Variants in ERICH6B observed in about 807,000 individuals in gnomAD.
The protein encoded by ERICH6B is glutamate-rich protein 6B.
ERICH6B carries 69 observed loss-of-function variants against 80.0 expected under a neutral mutation model. The observed-to-expected ratio is 0.86, with a 90% CI of 0.71 to 1.05. The LOEUF (loss-of-function observed/expected upper bound fraction) is 1.05. ERICH6B is among the 50% of genes least tolerant of loss of function. The probability of loss-of-function intolerance (pLI) is 0.00; values close to 1 mark genes in which losing one functional copy is unlikely to be tolerated. For missense variants in ERICH6B, 754 were observed against 796.1 expected (o/e 0.95, Z 0.64); for synonymous variants, 283 against 291.9 (o/e 0.97, Z 0.31).
At position 45,600,519 on chromosome 13, in the gene ERICH6B, T is replaced by A. The variant is rs76301705; in HGVS notation, c.-58-3456A>T. Reference sequence around the variant, plus strand: ...GTAATAATAATTTCTCACCATCCACTCCTCTTCTGCTCCCTTACTCTTTTG... The same window carrying A: ...GTAATAATAATTTCTCACCATCCACACCTCTTCTGCTCCCTTACTCTTTTG... On this transcript the variant is annotated intron_variant, in intron 2 of 14. Coordinates refer to ENST00000298738, the MANE Select transcript of ERICH6B (RefSeq NM_182542.3). Among the ~76,000 whole-genome samples, 467 of 152,312 alleles carry A rather than the reference T, an allele frequency of 3.1e-3. 2 individuals carry two copies. Among genetic ancestry groups the A allele is most frequent in the African/African-American group, 0.01 (432 of 41,568 alleles).
intron 1 of ERICH6B, among the ~76,000 whole-genome samples, chr13:45,612,399 T>G (rs1949904852): frequency 6.6e-6 from 1 of 152,144 alleles, no homozygotes; most frequent in Admixed American, 6.5e-5. Flanking sequence ...AAATACAACA[T>G]AGTATGATTA....
intron 3 of ERICH6B, among the ~76,000 whole-genome samples, chr13:45,595,499 A>ATG (rs994987196): frequency 1.3e-5 from 2 of 151,960 alleles, no homozygotes; most frequent in African/African-American, 4.8e-5. Flanking sequence ...GTGTGTGTGT[A>ATG]TGTGTATATA....
Position 45,541,544 on chromosome 13 carries a change from A to C in ERICH6B, c.2009T>G (p.Leu670Arg). Residue 670 changes from leucine to arginine, a missense_variant, in exon 15 of 15, where the codon CTG (leucine) becomes CGG (arginine). Transcript: ENST00000298738. The part of the protein sequence containing the change: ...RLLNYATTPD[L>R]ENFIEAVSIS... ...ACTGACGGCCTCTATGAAGTTTTCC[A>C]GATCAGGGGTGGTCGCGTAATTCAG... 6.4e-7 allele frequency: 1 copy of C among 1,552,100 alleles called. No homozygotes were observed. The highest frequency in any genetic ancestry group is 8.7e-7 in the Non-Finnish European group (1 of 1,147,066).
intron 14 of ERICH6B, among the ~76,000 whole-genome samples, chr13:45,544,275 G>A (rs1335718367): frequency 1.3e-5 from 2 of 152,164 alleles, no homozygotes; most frequent in African/African-American, 2.4e-5. Flanking sequence ...GGGTTTGACT[G>A]TGTTGGCCAG....
chr13:45,583,673 G>C (rs1285081214), intron 5 of ERICH6B, among the ~76,000 whole-genome samples: 1 of 152,118 alleles, frequency 6.6e-6, no homozygotes, highest in African/African-American at 2.4e-5. Flanking sequence ...CCCCCATACT[G>C]TTCTTGTAGT....
chr13:45,599,418 G>C (rs191870385), intron 2 of ERICH6B, among the ~76,000 whole-genome samples: 1 of 152,224 alleles, frequency 6.6e-6, no homozygotes, highest in African/African-American at 2.4e-5. Flanking sequence ...TAATTGAATT[G>C]GTTTTTATTC....
rs1247875561 is a variant in ERICH6B at position 45,550,419 on chromosome 13, C to T, written c.1408-103G>A. ...GACCCCATCTGCTTGCTCTCCGATG[C>T]CACGTGCTACCTCATCAACTTGCTG... On this transcript the variant is annotated intron_variant, in intron 11 of 14. Transcript: ENST00000298738. 14 of 848,428 alleles carry T rather than the reference C, an allele frequency of 1.7e-5. No individual in the cohort carries two copies. In the Admixed American group the frequency reaches 2.9e-4, roughly 17 times the overall value. The allele number at this position is 848,428 out of a possible 1,614,324, so 52.6% of individuals were successfully genotyped here. A position where few individuals can be genotyped will look rare whatever the true frequency, so the allele number is the denominator to read the frequency against.
At chr13:45,561,335 A>G (rs962479987) in intron 11 of ERICH6B, 34 bp downstream of exon 11, 2 of 1,539,304 alleles carry the variant, frequency 1.3e-6, no homozygotes, top group African/African-American at 1.4e-5. Context: ...AATCCTGTGC[A>G]AAGTAAAAAA....
chr13:45,602,148 G>T (rs1949831069), intron 2 of ERICH6B, among the ~76,000 whole-genome samples: 1 of 152,198 alleles, frequency 6.6e-6, no homozygotes, highest in African/African-American at 2.4e-5. Flanking sequence ...GGGTCCGTCT[G>T]TCCTTCATTC....
intron 9 of ERICH6B, among the ~76,000 whole-genome samples, chr13:45,565,422 G>C (rs1874871625): frequency 6.6e-6 from 1 of 152,162 alleles, no homozygotes. Flanking sequence ...GGAAAGAGCA[G>C]GCTTCCATTC....
chr13:45,548,241 T>C (rs1874065431), intron 13 of ERICH6B, among the ~76,000 whole-genome samples: 1 of 152,182 alleles, frequency 6.6e-6, no homozygotes, highest in Non-Finnish European at 1.5e-5. Flanking sequence ...GCTCTTGAAA[T>C]GGCTTGGCTA....
intron 10 of ERICH6B, among the ~76,000 whole-genome samples, chr13:45,562,419 A>G (rs533613418): frequency 5.2e-4 from 79 of 152,314 alleles, no homozygotes; most frequent in Non-Finnish European, 9.7e-4. Flanking sequence ...GTCCATTTTT[A>G]TGACAATTGA....
intron 7 of ERICH6B, among the ~76,000 whole-genome samples, chr13:45,576,458 T>TA (rs372443322): frequency 6.6e-5 from 10 of 152,006 alleles, no homozygotes; most frequent in East Asian, 1.9e-4. Context: ...AGGGACATTT[T>TA]AAAAAAAACA....
intron 13 of ERICH6B, among the ~76,000 whole-genome samples, chr13:45,549,035 G>A (rs1331871244): frequency 1.3e-5 from 2 of 152,176 alleles, no homozygotes; most frequent in African/African-American, 4.8e-5. Flanking sequence ...TGTAATCCCA[G>A]CACTTTGGGT....
intron 13 of ERICH6B, among the ~76,000 whole-genome samples, chr13:45,547,869 C>A (rs753501934): frequency 6.6e-6 from 1 of 152,238 alleles, no homozygotes; most frequent in Non-Finnish European, 1.5e-5. Context: ...GGCCACCCCC[C>A]ACTCCCTAGT....
At chr13:45,576,104 T>C (rs1394794817) in intron 7 of ERICH6B, among the ~76,000 whole-genome samples, 1 of 152,240 alleles carries the variant, frequency 6.6e-6, no homozygotes, top group African/African-American at 2.4e-5. Flanking sequence ...ACATTACTTT[T>C]GTTCTTCTTC....
chr13:45,587,250 A>T lies in ERICH6B; in HGVS notation c.687-18T>A. The T allele has an allele frequency of 6.4e-7, 1 of 1,550,860 alleles. No homozygotes were observed. Among genetic ancestry groups the T allele is most frequent in the Non-Finnish European group, 8.7e-7 (1 of 1,146,582 alleles). Reference sequence around the variant, plus strand: ...CTGGACTCCTGTCAGAGGGGAGAACAGGAAGGTCAACTTCCAGACAGGGGC... The same window carrying T: ...CTGGACTCCTGTCAGAGGGGAGAACTGGAAGGTCAACTTCCAGACAGGGGC... On this transcript the variant is annotated intron_variant, in intron 4 of 14. Coordinates refer to ENST00000298738, the MANE Select transcript of ERICH6B (RefSeq NM_182542.3).
intron 11 of ERICH6B, among the ~76,000 whole-genome samples, chr13:45,560,954 T>G (rs1316641909): frequency 6.6e-6 from 1 of 152,176 alleles, no homozygotes; most frequent in Admixed American, 6.6e-5. Context: ...CTATGTTGCC[T>G]AGGCTACTAG....
chr13:45,591,439 A>C (rs1876151722), intron 3 of ERICH6B, among the ~76,000 whole-genome samples: 1 of 152,140 alleles, frequency 6.6e-6, no homozygotes, highest in Admixed American at 6.5e-5. Flanking sequence ...TACTAAAAAT[A>C]CAAAAAATTA....
Sources: allele counts gnomAD v4.1 joint callset (sites outside exome capture counted in the v4.1 genomes callset), GRCh38; gene constraint gnomAD v4.1.1; transcripts MANE v1.5; gene names NCBI Gene and HGNC (gene_info 2026-07-23, HGNC 2026-07-21).